Variants in ANO3 observed in about 807,000 individuals in gnomAD.
The protein encoded by ANO3 is anoctamin 3, also known as anoctamin-3.
ANO3 carries 99 observed loss-of-function variants against 144.8 expected under a neutral mutation model. That is an observed-to-expected ratio of 0.68 (90% CI 0.58 to 0.81). ANO3 has a LOEUF of 0.81. ANO3 is among the 30% of genes least tolerant of loss of function. The probability of loss-of-function intolerance (pLI) is 0.00; values close to 1 mark genes in which losing one functional copy is unlikely to be tolerated. For synonymous variants in ANO3, 414 were observed against 392.6 expected (o/e 1.05, Z -0.64); for missense variants, 905 against 1,202.2 (o/e 0.75, Z 3.66).
At chr11:26,473,896 A>T (rs1397633953) in intron 4 of ANO3, 4 of 923,762 alleles carry the variant, frequency 4.3e-6, no homozygotes, top group Admixed American at 6.3e-5. Flanking sequence ...AGTTATCTTT[A>T]AAAAAAAATG....
At chr11:26,658,874 A>C (rs1853782776) in intron 26 of ANO3, among the ~76,000 whole-genome samples, 1 of 152,156 alleles carries the variant, frequency 6.6e-6, no homozygotes, top group Non-Finnish European at 1.5e-5. Context: ...AGTACCTTGA[A>C]TTCTTCATAG....
intron 1 of ANO3, among the ~76,000 whole-genome samples, chr11:26,430,146 A>C (rs1258344355): frequency 6.6e-6 from 1 of 152,134 alleles, no homozygotes; most frequent in African/African-American, 2.4e-5. Context: ...CTGTAATCCC[A>C]GCTACTCGAG....
At chr11:26,422,575 G>T (rs530539524) in intron 1 of ANO3, among the ~76,000 whole-genome samples, 1 of 152,064 alleles carries the variant, frequency 6.6e-6, no homozygotes, top group South Asian at 2.1e-4. Flanking sequence ...TGTAAGAAAG[G>T]ACACATTTCC....
chr11:26,501,455 G>A (rs994983926), intron 4 of ANO3, among the ~76,000 whole-genome samples: 3 of 152,202 alleles, frequency 2.0e-5, no homozygotes, highest in Non-Finnish European at 4.4e-5. Flanking sequence ...GTGGGTGGGA[G>A]CAGATACTGG....
chr11:26,641,744 A>C, intron 21 of ANO3, 152 bp from the exon 22 acceptor site: 1 of 869,978 alleles, frequency 1.1e-6, no homozygotes, highest in East Asian at 3.2e-5. Context: ...TGTTTTTTTA[A>C]CTTTTTTAAA....
intron 1 of ANO3, among the ~76,000 whole-genome samples, chr11:26,277,018 C>A (rs1008844903): frequency 2.0e-5 from 3 of 152,088 alleles, no homozygotes; most frequent in African/African-American, 7.2e-5. Context: ...TAAGCTTGCC[C>A]TCTAGTGGCT....
Position 26,373,857 on chromosome 11 carries a change from A to G in ANO3, c.46+41536A>G, listed in dbSNP as rs546497745. Among the ~76,000 whole-genome samples, 8 of 152,342 alleles carry G rather than the reference A, an allele frequency of 5.3e-5. No individual in the cohort carries two copies. In the East Asian group the frequency reaches 1.3e-3, roughly 26 times the overall value. ...AAGAACAGGCATTCTATTTTAACAA[A>G]TCTTAACAATTAAGGAGCAAGCAAC... On this transcript the variant is annotated intron_variant, in intron 1 of 26. Transcript: ENST00000256737.
chr11:26,332,966 T>C (rs1855094787), intron 1 of ANO3, among the ~76,000 whole-genome samples: 1 of 152,204 alleles, frequency 6.6e-6, no homozygotes, highest in African/African-American at 2.4e-5. Context: ...AGAATCTGTA[T>C]GTTCAAGTTA....
At chr11:26,443,594 C>T (rs761569588) in intron 2 of ANO3, among the ~76,000 whole-genome samples, 171 bp from the exon 3 acceptor site, 18 of 151,960 alleles carry the variant, frequency 1.2e-4, no homozygotes, top group Admixed American at 5.2e-4. Context: ...AGCGAGACTC[C>T]GTTTCTTAAA....
chr11:26,193,872 G>A (rs1418833188), intron 1 of ANO3, among the ~76,000 whole-genome samples: 2 of 152,122 alleles, frequency 1.3e-5, no homozygotes, highest in African/African-American at 4.8e-5. Flanking sequence ...TTTTTACTGT[G>A]TAAACTTTGC....
intron 17 of ANO3, among the ~76,000 whole-genome samples, chr11:26,608,009 G>T (rs984494224): frequency 2.6e-5 from 4 of 152,200 alleles, no homozygotes; most frequent in Non-Finnish European, 1.5e-5. Flanking sequence ...GAGGAGAAAA[G>T]GTATTCTGGC....
intron 1 of ANO3, among the ~76,000 whole-genome samples, chr11:26,242,222 T>C (rs1342975412): frequency 6.6e-6 from 1 of 152,182 alleles, no homozygotes; most frequent in Non-Finnish European, 1.5e-5. Context: ...AAATGTCTAG[T>C]TCTGTCTTTC....
chr11:26,482,779 A>C (rs926755181), intron 4 of ANO3, among the ~76,000 whole-genome samples: 1 of 152,086 alleles, frequency 6.6e-6, no homozygotes, highest in Non-Finnish European at 1.5e-5. Context: ...CTGAGTCTCC[A>C]ATATTATTTC....
chr11:26,343,143 C>G (rs1034515041), intron 1 of ANO3, among the ~76,000 whole-genome samples: 2 of 152,160 alleles, frequency 1.3e-5, no homozygotes, highest in African/African-American at 4.8e-5. Context: ...CCCCCCAATC[C>G]TACCCTTTGA....
intron 1 of ANO3, among the ~76,000 whole-genome samples, chr11:26,198,252 A>G (rs1450440548): frequency 6.6e-6 from 1 of 152,216 alleles, no homozygotes; most frequent in Non-Finnish European, 1.5e-5. Context: ...TATTCAGGAA[A>G]TGAATTAAAT....
chr11:26,253,618 C>T (rs967052554), intron 1 of ANO3, among the ~76,000 whole-genome samples: 1 of 150,566 alleles, frequency 6.6e-6, no homozygotes, highest in Non-Finnish European at 1.5e-5. Context: ...TGACCGAATG[C>T]TTTGGTTTGA....
intron 14 of ANO3, chr11:26,561,077 A>G: frequency 6.2e-7 from 1 of 1,611,140 alleles, no homozygotes; most frequent in Non-Finnish European, 8.5e-7. Flanking sequence ...ATACAGAAGT[A>G]CGAAGTGGAG....
chr11:26,285,142 A>G (rs1412979058), intron 1 of ANO3, among the ~76,000 whole-genome samples: 1 of 152,140 alleles, frequency 6.6e-6, no homozygotes, highest in Non-Finnish European at 1.5e-5. Flanking sequence ...CTGGTCACCC[A>G]CAAACTTAAT....
rs574659384 is a variant in ANO3 at position 26,656,213 on chromosome 11, T to C, written c.2657+8T>C. ...AAAATCTGGTTATTGCAGGTACTTA[T>C]AATAGTTATCTTTCCTGCTTGCTTT... On this transcript the variant is annotated splice_region_variant and intron_variant, in intron 25 of 26. Coordinates refer to ENST00000256737, the MANE Select transcript of ANO3 (RefSeq NM_031418.4). 31 of 1,607,746 alleles carry C rather than the reference T, an allele frequency of 1.9e-5. No individual in the cohort carries two copies. In the South Asian group the frequency reaches 3.1e-4, roughly 16 times the overall value.
Sources: allele counts gnomAD v4.1 joint callset (sites outside exome capture counted in the v4.1 genomes callset), GRCh38; gene constraint gnomAD v4.1.1; transcripts MANE v1.5; gene names NCBI Gene and HGNC (gene_info 2026-07-23, HGNC 2026-07-21).